GRM3: variants seen among roughly 807,000 people sequenced by gnomAD.
GRM3 encodes metabotropic glutamate receptor 3.
A neutral mutation model predicts 70.5 loss-of-function variants in GRM3; 26 were observed. The observed-to-expected ratio is 0.37, with a 90% CI of 0.27 to 0.51. GRM3 has a LOEUF of 0.51. GRM3 is among the 20% of genes least tolerant of loss of function. The probability of loss-of-function intolerance (pLI) is 0.93; values close to 1 mark genes in which losing one functional copy is unlikely to be tolerated. For missense variants in GRM3, 859 were observed against 1,123.8 expected, an observed-to-expected ratio of 0.76 and a Z score of 3.37; for synonymous variants, 443 against 434.9, an observed-to-expected ratio of 1.02 and a Z score of -0.23.
At chr7:86,768,644 G>T (rs745634972) in intron 2 of GRM3, among the ~76,000 whole-genome samples, 1 of 152,116 alleles carries the variant, frequency 6.6e-6, no homozygotes, top group Non-Finnish European at 1.5e-5. Context: ...TGAGATGCTG[G>T]ATCTGAAGAG....
chr7:86,654,296 A>G (rs1436388294), intron 1 of GRM3, among the ~76,000 whole-genome samples: 2 of 152,190 alleles, frequency 1.3e-5, no homozygotes, highest in African/African-American at 4.8e-5. Context: ...TGAAGAGAAA[A>G]GCAATAAAAA....
rs1795901556 is a variant in GRM3 at position 86,737,899 on chromosome 7, T to G, written c.-140-27107T>G. The stretch of plus-strand genomic sequence containing the variant: ...AGACAAGAAGGATAAATACTCTCAT[T>G]ATGATTTTAGCATGCCCCACTTAGA... On this transcript the variant is annotated intron_variant, in intron 1 of 5. Transcript: ENST00000361669. 4.6e-5 allele frequency among the ~76,000 whole-genome samples: 7 copies of G among 152,216 alleles called. No homozygotes were observed. In the South Asian group the frequency reaches 1.4e-3, roughly 31 times the overall value.
intron 1 of GRM3, among the ~76,000 whole-genome samples, chr7:86,659,399 A>G (rs802444): frequency 0.37 from 56,873 of 151,956 alleles, 11,895 homozygotes; most frequent in African/African-American, 0.57. Flanking sequence ...GGATTATGCT[A>G]TTATGATCCC....
At chr7:86,860,041 C>G (rs1055704533) in intron 5 of GRM3, among the ~76,000 whole-genome samples, 27 of 152,292 alleles carry the variant, frequency 1.8e-4, no homozygotes, top group Middle Eastern at 3.4e-3. Context: ...CACACCTTAT[C>G]CTAGAGTATC....
intron 5 of GRM3, among the ~76,000 whole-genome samples, chr7:86,854,047 G>A (rs758986409): frequency 2.6e-5 from 4 of 152,156 alleles, no homozygotes; most frequent in East Asian, 1.9e-4. Context: ...CTTATTTATC[G>A]AAGCTCAGAT....
chr7:86,826,373 T>G (rs1723379091), intron 3 of GRM3, among the ~76,000 whole-genome samples: 1 of 152,240 alleles, frequency 6.6e-6, no homozygotes, highest in South Asian at 2.1e-4. Flanking sequence ...ATTTGCTTCT[T>G]TCCTAAGAGC....
intron 2 of GRM3, among the ~76,000 whole-genome samples, chr7:86,776,308 G>A (rs1334336940): frequency 6.6e-6 from 1 of 152,162 alleles, no homozygotes; most frequent in Admixed American, 6.6e-5. Context: ...CACAGCTAGT[G>A]AGAGGAGCTG....
chr7:86,706,407 A>C (rs77078689), intron 1 of GRM3, among the ~76,000 whole-genome samples: 2,052 of 152,192 alleles, frequency 0.013, 38 homozygotes, highest in African/African-American at 0.047. Context: ...AACAGAGAGG[A>C]TAGACACACA....
chr7:86,681,291 T>A (rs542815381), intron 1 of GRM3, among the ~76,000 whole-genome samples: 1 of 152,234 alleles, frequency 6.6e-6, no homozygotes, highest in East Asian at 1.9e-4. Context: ...AACCCACAAT[T>A]CAGTGTCTCA....
chr7:86,683,305 T>C (rs1562824423), intron 1 of GRM3, among the ~76,000 whole-genome samples: 2 of 152,206 alleles, frequency 1.3e-5, no homozygotes, highest in Non-Finnish European at 1.5e-5. Flanking sequence ...ACAGAACATG[T>C]AGGAAGAGCT....
chr7:86,854,399 C>T (rs571513290), intron 5 of GRM3, among the ~76,000 whole-genome samples: 12 of 152,222 alleles, frequency 7.9e-5, no homozygotes, highest in African/African-American at 2.9e-4. Flanking sequence ...CATGACCACA[C>T]TCAGTAGCAG....
At chr7:86,731,218 A>G (rs1795727754) in intron 1 of GRM3, among the ~76,000 whole-genome samples, 1 of 152,144 alleles carries the variant, frequency 6.6e-6, no homozygotes, top group Non-Finnish European at 1.5e-5. Flanking sequence ...AATTCATCAT[A>G]TTACCTTTTC....
chr7:86,681,208 C>T (rs1260716255), intron 1 of GRM3, among the ~76,000 whole-genome samples: 1 of 152,064 alleles, frequency 6.6e-6, no homozygotes, highest in Non-Finnish European at 1.5e-5. Flanking sequence ...GAAAAAATGT[C>T]TTCAAACAAT....
intron 5 of GRM3, 69 bp downstream of exon 5, chr7:86,850,613 A>T: frequency 1.0e-6 from 1 of 999,196 alleles, no homozygotes; most frequent in Non-Finnish European, 1.6e-6. Flanking sequence ...TGCCAAGAAC[A>T]GGCAACACAT....
intron 1 of GRM3, among the ~76,000 whole-genome samples, chr7:86,740,182 G>GA (rs1044186705): frequency 4.0e-5 from 6 of 150,532 alleles, no homozygotes; most frequent in East Asian, 1.9e-4. Flanking sequence ...TTACTAAATG[G>GA]AAAAAAAAAG....
intron 1 of GRM3, among the ~76,000 whole-genome samples, chr7:86,664,132 G>A (rs893874192): frequency 6.6e-6 from 1 of 151,894 alleles, no homozygotes; most frequent in African/African-American, 2.4e-5. Flanking sequence ...AGAAATAAGA[G>A]CATCCATAAT....
chr7:86,708,647 T>C (rs971251503), intron 1 of GRM3, among the ~76,000 whole-genome samples: 1 of 152,052 alleles, frequency 6.6e-6, no homozygotes, highest in Non-Finnish European at 1.5e-5. Context: ...CATTTCCTCT[T>C]GGTGCTATGC....
At chr7:86,798,449 G>A (rs189592316) in intron 3 of GRM3, among the ~76,000 whole-genome samples, 1 of 152,250 alleles carries the variant, frequency 6.6e-6, no homozygotes, top group Admixed American at 6.5e-5. Context: ...CTGCCCTACT[G>A]GATTTTGGAC....
chr7:86,652,156 C>T (rs1378157186), intron 1 of GRM3, among the ~76,000 whole-genome samples: 1 of 152,112 alleles, frequency 6.6e-6, no homozygotes, highest in Non-Finnish European at 1.5e-5. Flanking sequence ...GGAAACAAGC[C>T]TTCTCTTAGT....
Sources: gnomAD v4.1 joint callset for allele counts (sites outside exome capture counted in the v4.1 genomes callset) on GRCh38, gnomAD v4.1.1 for gene constraint, MANE v1.5 for transcripts, NCBI Gene and HGNC (gene_info 2026-07-23, HGNC 2026-07-21) for gene names.